The following CARNMT1 variants were observed in gnomAD, a reference collection of about 807,000 sequenced individuals.
CARNMT1 encodes carnosine N-methyltransferase 1.
CARNMT1 carries 28 observed loss-of-function variants against 49.6 expected under a neutral mutation model. That is an observed-to-expected ratio of 0.56 (90% confidence interval 0.42 to 0.77). CARNMT1 has a LOEUF of 0.77. Ranked by LOEUF, CARNMT1 falls within the 30% of genes least tolerant of loss-of-function variation. The pLI is 0.00. For synonymous variants in CARNMT1, 178 were observed against 175.0 expected (o/e 1.02, Z -0.13); for missense variants, 421 against 512.6 (o/e 0.82, Z 1.73).
At chr9:75,026,135 CAAATAA>C (rs1352194666) in intron 1 of CARNMT1, among the ~76,000 whole-genome samples, 1 of 151,974 alleles carries the variant, frequency 6.6e-6, no homozygotes, top group East Asian at 1.9e-4. Context: ...AGAGTATATA[CAAATAA>C]AAACTGTTTT....
chr9:75,003,343 G>A (rs750999299), intron 3 of CARNMT1, among the ~76,000 whole-genome samples: 112 of 152,044 alleles, frequency 7.4e-4, no homozygotes, highest in Non-Finnish European at 1.4e-3. Context: ...TCTTCACTTC[G>A]CGTCATTCAC....
intron 6 of CARNMT1, among the ~76,000 whole-genome samples, chr9:74,993,165 G>A (rs1833080823): frequency 6.6e-6 from 1 of 152,114 alleles, no homozygotes. Flanking sequence ...GACTAGCAGT[G>A]GAAACAAAAG....
intron 3 of CARNMT1, among the ~76,000 whole-genome samples, chr9:75,013,895 C>G (rs1417151291): frequency 6.7e-6 from 1 of 149,500 alleles, no homozygotes; most frequent in African/African-American, 2.5e-5. Context: ...TACTTGAGCC[C>G]AGGAGTTTAA....
chr9:74,990,299 T>C (rs762633873), intron 6 of CARNMT1, among the ~76,000 whole-genome samples: 4 of 152,078 alleles, frequency 2.6e-5, no homozygotes, highest in Non-Finnish European at 2.9e-5. Context: ...ACAGAATACC[T>C]TCAGAGGAGC....
intron 6 of CARNMT1, among the ~76,000 whole-genome samples, 159 bp from the exon 7 acceptor site, chr9:74,985,169 G>A (rs1008300223): frequency 1.3e-5 from 2 of 152,190 alleles, no homozygotes; most frequent in African/African-American, 4.8e-5. Flanking sequence ...ATTTGGCCTA[G>A]TATCTCAAGA....
intron 3 of CARNMT1, among the ~76,000 whole-genome samples, chr9:75,007,751 A>G (rs1401399313): frequency 6.6e-6 from 1 of 150,620 alleles, no homozygotes; most frequent in African/African-American, 2.4e-5. Flanking sequence ...ATAATAAAAA[A>G]AAAAAAACTA....
At chr9:75,010,809 G>GAGAATGGTGGGA (rs1833668350) in intron 3 of CARNMT1, among the ~76,000 whole-genome samples, 1 of 152,004 alleles carries the variant, frequency 6.6e-6, no homozygotes, top group South Asian at 2.1e-4. Flanking sequence ...GCAGGGTGGG[G>GAGAATGGTGGGA]AGAATGGTGG....
intron 6 of CARNMT1, 36 bp downstream of exon 6, chr9:74,996,411 A>T: frequency 9.6e-7 from 1 of 1,041,046 alleles, no homozygotes; most frequent in African/African-American, 1.6e-5. Context: ...TACTCAGATT[A>T]ATATACAAAA....
At position 74,981,651 on chromosome 9, in the gene CARNMT1, A is replaced by T. The variant is rs1040638914; in HGVS notation, c.*2116T>A. 1 of 152,140 alleles carries T rather than the reference A, an allele frequency of 6.6e-6. No homozygotes were observed. The highest frequency in any genetic ancestry group is 2.4e-5 in the African/African-American group (1 of 41,464). 9.4% of individuals were successfully genotyped at this position (152,140 alleles called of 1,614,324 possible). On this transcript the variant is annotated 3_prime_UTR_variant, in exon 8 of 8. Transcript: ENST00000376834. ...AACTAAAACATATGCTATAATTTAG[A>T]AATTTAACATTATTAAAGAAAACCT... is the stretch of plus-strand genomic sequence containing the variant.
intron 1 of CARNMT1, among the ~76,000 whole-genome samples, chr9:75,020,047 TACACAGA>T (rs1460292736): frequency 5.9e-5 from 9 of 152,134 alleles, no homozygotes; most frequent in African/African-American, 2.2e-4. Context: ...GTGGAAAAAC[TACACAGA>T]AAGCAAAGAA....
At position 75,017,404 on chromosome 9, in the gene CARNMT1, C is replaced by T. The variant is rs761039862; in HGVS notation, c.275G>A (p.Arg92Gln). Residue 92 changes from arginine (R) to glutamine (Q), a missense_variant, in exon 2 of 8, where the codon CGA (arginine) becomes CAA (glutamine). Arg to Gln is a conservative substitution (Grantham distance 43, BLOSUM62 1). Transcript: ENST00000376834. ...TTTCTGTTGGTTAGCTGGAAGTGAT[C>T]GAAACTGTCTTTCTGTTCGGTTCAC... ...ERVNRTERQF[R>Q]SLPANQQKLL... 1.9e-6 allele frequency: 3 copies of T among 1,614,032 alleles called. No homozygotes were observed. The highest frequency in any genetic ancestry group is 3.3e-5 in the Admixed American group (2 of 60,014).
At chr9:75,026,906 T>A (rs895811894) in intron 1 of CARNMT1, 5 of 327,528 alleles carry the variant, frequency 1.5e-5, no homozygotes, top group Non-Finnish European at 3.0e-5. Flanking sequence ...ACTAGTGACA[T>A]AAAAATAAAA....
chr9:75,008,177 A>AC (rs1833574779), intron 3 of CARNMT1, among the ~76,000 whole-genome samples: 3 of 150,016 alleles, frequency 2.0e-5, no homozygotes, highest in African/African-American at 7.3e-5. Context: ...CTAAAAAAAA[A>AC]AAAAAAAAAA....
Position 74,996,451 on chromosome 9 carries a change from A to G in CARNMT1, c.1020T>C (p.Asn340=). The change falls in exon 6 of 8, where the codon AAT becomes AAC. Residue 340 remains asparagine (N), a synonymous_variant. Coordinates refer to ENST00000376834, the MANE Select transcript of CARNMT1 (RefSeq NM_152420.3). ...AGTAAATACTAAAAAACTTACCTAG[A>G]TTTATCCAAATTCCACCTGGCTTGA... ...KILKPGGIWI[N]LGPLLYHFEN... 6.4e-7 allele frequency: 1 copy of G among 1,568,932 alleles called. No individual in the cohort carries two copies. Among genetic ancestry groups the G allele is most frequent in the Non-Finnish European group, 8.7e-7 (1 of 1,148,746 alleles).
chr9:75,016,688 C>G, intron 2 of CARNMT1: 1 of 401,448 alleles, frequency 2.5e-6, no homozygotes, highest in Non-Finnish European at 4.4e-6. Flanking sequence ...AGGAGAGGAC[C>G]AAACTGAGCT....
In CARNMT1 at chr9:75,028,124, C is replaced by T; in HGVS notation, c.118G>A (p.Ala40Thr). The change falls in exon 1 of 8, where the codon GCC becomes ACC. Residue 40 changes from alanine (A) to threonine (T), a missense_variant. Ala to Thr is a moderately conservative substitution (Grantham distance 58). Coordinates refer to ENST00000376834, the MANE Select transcript of CARNMT1 (RefSeq NM_152420.3). ...GCCGCTGCCGCCGAAACCGCCGCGG[C>T]CGAGCCCCAACGCCCGGCGGAAAAC... ...VQFSAGRWGSAAAVSAAAAAA... is the reference protein window; with the variant it reads ...VQFSAGRWGSTAAVSAAAAAA... 1 of 1,556,096 alleles carries T rather than the reference C, an allele frequency of 6.4e-7. No homozygotes were observed. Among genetic ancestry groups the T allele is most frequent in the Non-Finnish European group, 8.7e-7 (1 of 1,153,576 alleles).
chr9:75,023,482 T>C (rs1277654046), intron 1 of CARNMT1, among the ~76,000 whole-genome samples: 1 of 152,238 alleles, frequency 6.6e-6, no homozygotes, highest in Non-Finnish European at 1.5e-5. Flanking sequence ...GAGCTGTCAA[T>C]TTTTGATACA....
chr9:75,005,055 T>C (rs1030386423), intron 3 of CARNMT1, among the ~76,000 whole-genome samples: 10 of 152,194 alleles, frequency 6.6e-5, no homozygotes, highest in Non-Finnish European at 1.0e-4. Flanking sequence ...GACATTCACT[T>C]GGAAAAATTT....
intron 5 of CARNMT1, among the ~76,000 whole-genome samples, chr9:74,998,346 C>T (rs1207626023): frequency 2.6e-5 from 4 of 152,084 alleles, no homozygotes; most frequent in African/African-American, 9.7e-5. Context: ...ACTCATTTAA[C>T]CTTTGTTTAC....
Sources: allele counts gnomAD v4.1 joint callset (sites outside exome capture counted in the v4.1 genomes callset), GRCh38; gene constraint gnomAD v4.1.1; transcripts MANE v1.5; gene names NCBI Gene and HGNC (gene_info 2026-07-23, HGNC 2026-07-21).